SLC24A2: variants seen among roughly 807,000 people sequenced by gnomAD.
SLC24A2 encodes the protein solute carrier family 24 member 2, also known as sodium/potassium/calcium exchanger 2.
In SLC24A2, 36 loss-of-function variants were observed where a neutral mutation model predicts 62.0. The ratio of observed to expected loss-of-function variants is 0.58; its 90% CI spans 0.44 to 0.77. The LOEUF (loss-of-function observed/expected upper bound fraction) is 0.77, where lower values mean the gene tolerates loss of function less well. Ranked by LOEUF, SLC24A2 falls within the 30% of genes least tolerant of loss-of-function variation. The pLI, the probability that SLC24A2 is intolerant of heterozygous loss-of-function variation, is 0.00. For synonymous variants in SLC24A2, 358 were observed against 294.0 expected, an observed-to-expected ratio of 1.22 and a Z score of -2.23; for missense variants, 846 against 817.9, an observed-to-expected ratio of 1.03 and a Z score of -0.42.
At chr9:19,902,461 A>AT in the SLC24A2 span, among the ~76,000 whole-genome samples, 2 of 152,166 alleles carry the variant, frequency 1.3e-5, no homozygotes, top group African/African-American at 2.4e-5. Context: ...GTAATCAGAT[A>AT]TTTTTTTAAT....
chr9:20,156,797 A>G, the SLC24A2 span, among the ~76,000 whole-genome samples: 1 of 151,904 alleles, frequency 6.6e-6, no homozygotes. Flanking sequence ...CACTAAGTAT[A>G]AAACAGCTAT....
the SLC24A2 span, among the ~76,000 whole-genome samples, chr9:20,244,543 C>T: frequency 6.6e-6 from 1 of 152,212 alleles, no homozygotes; most frequent in African/African-American, 2.4e-5. Flanking sequence ...AGAGGCGCAC[C>T]AGTGCCGAAC....
At chr9:20,224,786 A>C in the SLC24A2 span, among the ~76,000 whole-genome samples, 92 of 152,226 alleles carry the variant, frequency 6.0e-4, no homozygotes, top group Admixed American at 1.3e-3. Flanking sequence ...GGCCCTGCCC[A>C]GATCATTTTC....
chr9:19,735,450 G>A (rs1051858816), intron 2 of SLC24A2, among the ~76,000 whole-genome samples: 23 of 152,130 alleles, frequency 1.5e-4, no homozygotes, highest in African/African-American at 2.7e-4. Flanking sequence ...TCAGTGTGGC[G>A]ATTCCTCAGG....
chr9:20,122,135 C>A, the SLC24A2 span, among the ~76,000 whole-genome samples: 1 of 152,188 alleles, frequency 6.6e-6, no homozygotes, highest in Non-Finnish European at 1.5e-5. Context: ...AAATAAGGGT[C>A]TCTTGTTCAC....
At chr9:20,293,145 T>G in the SLC24A2 span, among the ~76,000 whole-genome samples, 2 of 152,220 alleles carry the variant, frequency 1.3e-5, no homozygotes, top group African/African-American at 2.4e-5. Flanking sequence ...GGACCAGTCC[T>G]ACTCTTGTAT....
At chr9:19,884,815 G>A in the SLC24A2 span, among the ~76,000 whole-genome samples, 10 of 152,090 alleles carry the variant, frequency 6.6e-5, no homozygotes, top group African/African-American at 2.4e-4. Context: ...CCCAACAGTA[G>A]GCTAATGTAA....
the SLC24A2 span, among the ~76,000 whole-genome samples, chr9:20,258,404 G>A: frequency 5.7e-3 from 864 of 152,324 alleles, 11 homozygotes; most frequent in African/African-American, 0.02. Flanking sequence ...GAGGAGACTG[G>A]CATGTGGGTC....
the SLC24A2 span, among the ~76,000 whole-genome samples, chr9:20,026,775 T>C: frequency 2.3e-4 from 35 of 152,246 alleles, no homozygotes; most frequent in African/African-American, 8.4e-4. Flanking sequence ...GCAATGACTT[T>C]TTGGATAAGA....
the SLC24A2 span, among the ~76,000 whole-genome samples, chr9:20,300,534 G>A: frequency 1.3e-5 from 2 of 152,086 alleles, no homozygotes; most frequent in East Asian, 3.9e-4. Flanking sequence ...CTGCAGCAAG[G>A]ACCCAATTCA....
chr9:20,096,741 G>C, the SLC24A2 span, among the ~76,000 whole-genome samples: 1 of 131,796 alleles, frequency 7.6e-6, no homozygotes, highest in African/African-American at 3.0e-5. Flanking sequence ...GGCTTGGATT[G>C]AATATTCTTT....
At chr9:20,223,802 A>G in the SLC24A2 span, among the ~76,000 whole-genome samples, 2 of 152,128 alleles carry the variant, frequency 1.3e-5, no homozygotes, top group Non-Finnish European at 2.9e-5. Context: ...AAAATTATGT[A>G]CCTGTATTAG....
At chr9:20,290,756 T>G in the SLC24A2 span, among the ~76,000 whole-genome samples, 1 of 152,214 alleles carries the variant, frequency 6.6e-6, no homozygotes, top group South Asian at 2.1e-4. Flanking sequence ...GGAAGTCCAG[T>G]GCAGGCATAC....
the SLC24A2 span, among the ~76,000 whole-genome samples, chr9:20,292,176 G>A: frequency 6.6e-6 from 1 of 152,158 alleles, no homozygotes; most frequent in Admixed American, 6.5e-5. Context: ...CTTGTGCAGG[G>A]GGAAACTGAC....
At chr9:19,721,801 TAAAC>T (rs1372900605) in intron 2 of SLC24A2, among the ~76,000 whole-genome samples, 1 of 152,168 alleles carries the variant, frequency 6.6e-6, no homozygotes, top group Non-Finnish European at 1.5e-5. Flanking sequence ...CTTTGCCATA[TAAAC>T]TTTATTTCCT....
chr9:19,789,550 T>G (rs1035287117), upstream of SLC24A2, among the ~76,000 whole-genome samples: 2 of 152,194 alleles, frequency 1.3e-5, no homozygotes, highest in African/African-American at 4.8e-5. Flanking sequence ...GACCTTTCAT[T>G]TCATGGGTGA....
chr9:19,578,468 A>T (rs992250609), intron 5 of SLC24A2, among the ~76,000 whole-genome samples: 2 of 151,816 alleles, frequency 1.3e-5, no homozygotes, highest in African/African-American at 4.8e-5. Flanking sequence ...GTATAAAAAA[A>T]TTCTCATTTT....
intron 2 of SLC24A2, among the ~76,000 whole-genome samples, chr9:19,708,363 T>G (rs1032734247): frequency 4.6e-5 from 7 of 152,110 alleles, no homozygotes; most frequent in African/African-American, 1.7e-4. Flanking sequence ...GCCATCCCCA[T>G]CAAGCTACCA....
chr9:20,077,047 A>G, the SLC24A2 span, among the ~76,000 whole-genome samples: 1 of 150,850 alleles, frequency 6.6e-6, no homozygotes, highest in South Asian at 2.1e-4. Flanking sequence ...CCAGACACAG[A>G]AAAAAAAATT....
Sources: allele counts gnomAD v4.1 joint callset (sites outside exome capture counted in the v4.1 genomes callset), GRCh38; gene constraint gnomAD v4.1.1; transcripts MANE v1.5; gene names NCBI Gene and HGNC (gene_info 2026-07-23, HGNC 2026-07-21).